GLI2: variants seen among roughly 807,000 people sequenced by gnomAD.
GLI2 encodes transcription activator GLI2.
GLI2 carries 22 observed loss-of-function variants against 78.9 expected under a neutral mutation model. The ratio of observed to expected loss-of-function variants is 0.28; its 90% CI spans 0.20 to 0.40. The LOEUF is 0.40. Ranked by LOEUF, GLI2 falls within the 10% of genes least tolerant of loss-of-function variation. GLI2 has a pLI of 1.00. For missense variants in GLI2, 2,097 were observed against 2,213.2 expected, an observed-to-expected ratio of 0.95 and a Z score of 1.05; for synonymous variants, 974 against 963.7, an observed-to-expected ratio of 1.01 and a Z score of -0.20.
chr2:120,819,678 G>A (rs561220465), intron 2 of GLI2, among the ~76,000 whole-genome samples: 1 of 152,146 alleles, frequency 6.6e-6, no homozygotes, highest in African/African-American at 2.4e-5. Flanking sequence ...GAAGGACTTT[G>A]CCACAGGCAG....
chr2:120,835,793 C>T (rs917207190), intron 2 of GLI2, among the ~76,000 whole-genome samples: 4 of 151,610 alleles, frequency 2.6e-5, no homozygotes, highest in Non-Finnish European at 5.9e-5. Flanking sequence ...TGTGTGTGTG[C>T]GTTTGTGTGT....
intron 2 of GLI2, among the ~76,000 whole-genome samples, chr2:120,845,606 C>T (rs1687078284): frequency 6.6e-6 from 1 of 152,174 alleles, no homozygotes. Context: ...ACCTGGAAAG[C>T]AAACGGCACA....
intron 3 of GLI2, among the ~76,000 whole-genome samples, chr2:120,928,052 G>A (rs1679775052): frequency 6.6e-6 from 1 of 152,130 alleles, no homozygotes. Context: ...ATTGGCTGGT[G>A]TCATTTCTTG....
intron 2 of GLI2, among the ~76,000 whole-genome samples, chr2:120,921,179 G>T (rs1679359894): frequency 6.6e-6 from 1 of 152,118 alleles, no homozygotes; most frequent in South Asian, 2.1e-4. Flanking sequence ...CCACCAATGA[G>T]TCAGGGTCAA....
At chr2:120,861,088 A>G (rs1687880678) in intron 2 of GLI2, among the ~76,000 whole-genome samples, 1 of 152,200 alleles carries the variant, frequency 6.6e-6, no homozygotes, top group Non-Finnish European at 1.5e-5. Flanking sequence ...TTATTATGCA[A>G]TGACTGGGTG....
At chr2:120,891,115 C>T (rs1677658621) in intron 2 of GLI2, among the ~76,000 whole-genome samples, 1 of 152,210 alleles carries the variant, frequency 6.6e-6, no homozygotes, top group Non-Finnish European at 1.5e-5. Context: ...CATCAGGGAG[C>T]TGATGGCTGG....
Position 120,989,056 on chromosome 2 carries a change from G to C in GLI2, c.3091G>C (p.Gly1031Arg). 1.9e-6 allele frequency: 3 copies of C among 1,609,414 alleles called. No individual in the cohort carries two copies. The highest frequency in any genetic ancestry group is 2.5e-6 in the Non-Finnish European group (3 of 1,179,578). The change falls in exon 14 of 14, where the codon GGG (glycine) becomes CGG (arginine). Residue 1031 changes from glycine (G) to arginine (R), a missense_variant. Around this residue, in one of 5 missense-constraint regions of GLI2, gnomAD observed 1,290 missense variants for 1,261.7 expected, o/e 1.02. Transcript: ENST00000361492. ...EAVAAGVDGAGPEADLGLPED... is the reference protein window; with the variant it reads ...EAVAAGVDGARPEADLGLPED... ...CGTGGCGGCAGGAGTGGACGGCGCG[G>C]GGCCCGAGGCCGACCTGGGGCTGCC... is the stretch of plus-strand genomic sequence containing the variant.
In GLI2 at chr2:120,910,291, G is replaced by A. The variant is rs367960611; in HGVS notation, c.149-17070G>A. Among the ~76,000 whole-genome samples, 6 of 152,144 alleles carry A rather than the reference G, an allele frequency of 3.9e-5. No individual in the cohort carries two copies. The East Asian group carries it at 5.8e-4, about 15-fold the overall frequency. On this transcript the variant is annotated intron_variant, in intron 2 of 13. Coordinates refer to ENST00000361492, the MANE Select transcript of GLI2 (RefSeq NM_001374353.1). Reference sequence around the variant, plus strand: ...CCTCAGCCACCTGGTCCCTTGGCACGGTCTGTCAGGGCTTCTTGCCTAATC... The same window carrying A: ...CCTCAGCCACCTGGTCCCTTGGCACAGTCTGTCAGGGCTTCTTGCCTAATC...
At chr2:120,948,223 A>G (rs1680807660) in intron 3 of GLI2, among the ~76,000 whole-genome samples, 1 of 152,184 alleles carries the variant, frequency 6.6e-6, no homozygotes, top group South Asian at 2.1e-4. Flanking sequence ...CTCGTGGTCA[A>G]GTGCAGTGGT....
rs1463718028 is a variant in GLI2, at chr2:120,981,693, G to C, written c.1468-1023G>C. On this transcript the variant is annotated intron_variant, in intron 10 of 13. Coordinates refer to ENST00000361492, the MANE Select transcript of GLI2 (RefSeq NM_001374353.1). ...TGCCGGGTGTACGTGTCCTCCTGAG[G>C]GCGGTTTTCATACATCCATTCAATG... is the stretch of plus-strand genomic sequence containing the variant. Among the ~76,000 whole-genome samples, 3 of 152,246 alleles carry C rather than the reference G, an allele frequency of 2.0e-5. No individual in the cohort carries two copies. In the East Asian group the frequency reaches 5.8e-4, roughly 29 times the overall value.
intron 3 of GLI2, among the ~76,000 whole-genome samples, chr2:120,948,782 G>A (rs1031848257): frequency 9.9e-5 from 15 of 152,154 alleles, no homozygotes; most frequent in Admixed American, 3.3e-4. Flanking sequence ...TGGCATTCCC[G>A]GGACCTGAAC....
chr2:120,769,811 G>A (rs1683472845), intron 1 of GLI2, among the ~76,000 whole-genome samples: 1 of 151,584 alleles, frequency 6.6e-6, no homozygotes, highest in African/African-American at 2.4e-5. Context: ...CTGTTTGGGA[G>A]TGTGTTGGGA....
At chr2:120,882,666 C>T (rs1677210947) in intron 2 of GLI2, among the ~76,000 whole-genome samples, 1 of 152,236 alleles carries the variant, frequency 6.6e-6, no homozygotes, top group Admixed American at 6.5e-5. Flanking sequence ...ACATGTGGAT[C>T]TGACCGCCAT....
At chr2:120,906,409 C>G (rs1428276277) in intron 2 of GLI2, among the ~76,000 whole-genome samples, 1 of 152,146 alleles carries the variant, frequency 6.6e-6, no homozygotes, top group Non-Finnish European at 1.5e-5. Flanking sequence ...ACCCAGGGTC[C>G]AGATTCAGCT....
intron 5 of GLI2, among the ~76,000 whole-genome samples, chr2:120,959,755 G>A (rs1404656322): frequency 6.6e-6 from 1 of 152,210 alleles, no homozygotes; most frequent in Non-Finnish European, 1.5e-5. Context: ...GTCTGTGCCA[G>A]TCCCTCCCGG....
At chr2:120,752,415 A>G (rs2104633985) in intron 1 of GLI2, among the ~76,000 whole-genome samples, 1 of 151,936 alleles carries the variant, frequency 6.6e-6, no homozygotes, top group African/African-American at 2.4e-5. Context: ...GACCACAGGC[A>G]TCTGCCACGA....
intron 2 of GLI2, among the ~76,000 whole-genome samples, chr2:120,916,547 G>A (rs1356945885): frequency 1.3e-5 from 2 of 152,236 alleles, no homozygotes; most frequent in African/African-American, 4.8e-5. Flanking sequence ...GCTGAATCCC[G>A]CAGGGTCAGG....
At chr2:120,768,370 T>C (rs956356727) in intron 1 of GLI2, among the ~76,000 whole-genome samples, 1 of 152,182 alleles carries the variant, frequency 6.6e-6, no homozygotes, top group Non-Finnish European at 1.5e-5. Context: ...GCAGGGACTT[T>C]CCATGGGAAG....
chr2:120,907,469 C>T (rs186025012), intron 2 of GLI2, among the ~76,000 whole-genome samples: 1 of 152,244 alleles, frequency 6.6e-6, no homozygotes, highest in Admixed American at 6.5e-5. Context: ...TAGGAAGATC[C>T]CACAGGGCTC....
Sources: allele counts gnomAD v4.1 joint callset (sites outside exome capture counted in the v4.1 genomes callset), GRCh38; gene constraint gnomAD v4.1.1; regional missense constraint gnomAD v4.1.1; transcripts MANE v1.5; gene names NCBI Gene and HGNC (gene_info 2026-07-23, HGNC 2026-07-21).